Variants in ASAP1 observed in about 807,000 individuals in gnomAD.
ASAP1 encodes the protein ArfGAP with SH3 domain, ankyrin repeat and PH domain 1, also known as arf-GAP with SH3 domain, ANK repeat and PH domain-containing protein 1.
A neutral mutation model predicts 145.2 loss-of-function variants in ASAP1; 43 were observed. That is an observed-to-expected ratio of 0.30 (90% confidence interval 0.23 to 0.38). The LOEUF (loss-of-function observed/expected upper bound fraction) is 0.38. Ranked by LOEUF, ASAP1 falls within the 10% of genes least tolerant of loss-of-function variation. The pLI is 1.00. For synonymous variants in ASAP1, 546 were observed against 515.5 expected (o/e 1.06, Z -0.80); for missense variants, 1,018 against 1,355.3 (o/e 0.75, Z 3.91).
chr8:130,304,268 C>T (rs1232741620), intron 3 of ASAP1, among the ~76,000 whole-genome samples: 1 of 150,600 alleles, frequency 6.6e-6, no homozygotes, highest in Non-Finnish European at 1.5e-5. Flanking sequence ...TTTATACTGC[C>T]CGGAAAAGAA....
chr8:130,158,558 C>G (rs2097662581), intron 12 of ASAP1, among the ~76,000 whole-genome samples: 1 of 152,022 alleles, frequency 6.6e-6, no homozygotes, highest in South Asian at 2.1e-4. Flanking sequence ...AATGAAGATT[C>G]TACTTATGCA....
intron 3 of ASAP1, among the ~76,000 whole-genome samples, chr8:130,267,604 C>T (rs1305094165): frequency 6.6e-6 from 1 of 152,154 alleles, no homozygotes. Context: ...TCAGCAGAAC[C>T]CCTCTCCCTT....
intron 1 of ASAP1, among the ~76,000 whole-genome samples, chr8:130,421,044 T>C (rs72726214): frequency 0.12 from 18,452 of 152,192 alleles, 1,513 homozygotes; most frequent in African/African-American, 0.23. Flanking sequence ...CAGGCTCTGT[T>C]ACCAGCTTGT....
intron 5 of ASAP1, among the ~76,000 whole-genome samples, chr8:130,196,067 C>T (rs146221885): frequency 6.5e-4 from 99 of 152,332 alleles, no homozygotes; most frequent in African/African-American, 2.3e-3. Context: ...GTAGGTCGGG[C>T]ACAGTGGCTC....
chr8:130,146,455 C>T (rs114859794), intron 13 of ASAP1, among the ~76,000 whole-genome samples: 2,560 of 152,228 alleles, frequency 0.017, 35 homozygotes, highest in East Asian at 0.053. Context: ...AAAGTTCGCC[C>T]TCTTACAACT....
chr8:130,436,501 G>T (rs1268178522), intron 1 of ASAP1, among the ~76,000 whole-genome samples: 4 of 152,150 alleles, frequency 2.6e-5, no homozygotes, highest in Non-Finnish European at 5.9e-5. Flanking sequence ...GGAGAGGTGA[G>T]GTTTCACCAT....
At chr8:130,247,555 A>G (rs1818926201) in intron 3 of ASAP1, among the ~76,000 whole-genome samples, 1 of 152,138 alleles carries the variant, frequency 6.6e-6, no homozygotes, top group South Asian at 2.1e-4. Flanking sequence ...GGATTCAGTC[A>G]TCAGGCCACT....
intron 27 of ASAP1, among the ~76,000 whole-genome samples, chr8:130,075,747 C>T (rs1279711499): frequency 6.6e-6 from 1 of 152,204 alleles, no homozygotes; most frequent in Non-Finnish European, 1.5e-5. Flanking sequence ...TTAAAGAAGA[C>T]TCAGTCAAAG....
intron 24 of ASAP1, among the ~76,000 whole-genome samples, chr8:130,102,787 G>A (rs1330634855): frequency 2.6e-5 from 4 of 152,204 alleles, no homozygotes; most frequent in Non-Finnish European, 5.9e-5. Context: ...CTGGGCTCAA[G>A]TGATCATCTT....
intron 23 of ASAP1, 30 bp downstream of exon 23, chr8:130,115,598 T>G: frequency 1.8e-5 from 28 of 1,539,906 alleles, no homozygotes; most frequent in Non-Finnish European, 2.5e-5. Context: ...GGGTAGTTGT[T>G]GAGAATTCGA....
intron 1 of ASAP1, among the ~76,000 whole-genome samples, chr8:130,403,309 C>T (rs573626646): frequency 3.5e-5 from 5 of 143,014 alleles, no homozygotes; most frequent in Admixed American, 3.4e-4. Flanking sequence ...TTTAAAAAAC[C>T]CAGATCCAAA....
At chr8:130,079,329 G>A (rs1173387076) in intron 26 of ASAP1, among the ~76,000 whole-genome samples, 2 of 152,116 alleles carry the variant, frequency 1.3e-5, no homozygotes, top group African/African-American at 4.8e-5. Context: ...ACACTTTAGG[G>A]TAAGGCTGGA....
chr8:130,396,907 T>C (rs958537808), intron 2 of ASAP1, among the ~76,000 whole-genome samples: 3 of 152,170 alleles, frequency 2.0e-5, no homozygotes, highest in African/African-American at 7.2e-5. Context: ...TTTCTACATA[T>C]GGAGAAAAAC....
chr8:130,209,052 A>C (rs935229700), intron 5 of ASAP1, among the ~76,000 whole-genome samples: 1 of 152,210 alleles, frequency 6.6e-6, no homozygotes, highest in Non-Finnish European at 1.5e-5. Context: ...TGTTCTTTTT[A>C]TAATACAAAG....
At chr8:130,185,746 A>G (rs1391691122) in intron 7 of ASAP1, among the ~76,000 whole-genome samples, 3 of 150,114 alleles carry the variant, frequency 2.0e-5, no homozygotes, top group Non-Finnish European at 4.4e-5. Flanking sequence ...AAAAAAAAAA[A>G]AAGAAAAAGA....
chr8:130,203,454 G>A (rs999694427), intron 5 of ASAP1, among the ~76,000 whole-genome samples: 3 of 152,192 alleles, frequency 2.0e-5, no homozygotes, highest in African/African-American at 7.2e-5. Context: ...ACCAGGCTGG[G>A]CTGTAGGACC....
intron 2 of ASAP1, among the ~76,000 whole-genome samples, chr8:130,396,105 A>G (rs1224689134): frequency 1.3e-5 from 2 of 152,214 alleles, no homozygotes; most frequent in Admixed American, 6.5e-5. Flanking sequence ...GGCAGCTTGC[A>G]CAGACCCTGG....
At chr8:130,377,227 G>GGGTA (rs1827546013) in intron 2 of ASAP1, among the ~76,000 whole-genome samples, 2 of 152,102 alleles carry the variant, frequency 1.3e-5, no homozygotes, top group South Asian at 4.1e-4. Context: ...CAGGGGGAAA[G>GGGTA]GGTAGGAAGG....
At chr8:130,300,184 A>AAC (rs1822570687) in intron 3 of ASAP1, among the ~76,000 whole-genome samples, 1 of 140,288 alleles carries the variant, frequency 7.1e-6, no homozygotes, top group South Asian at 2.4e-4. Context: ...AGAGAGAGAG[A>AAC]GAGCGAGCGA....
Sources: allele counts gnomAD v4.1 joint callset (sites outside exome capture counted in the v4.1 genomes callset), GRCh38; gene constraint gnomAD v4.1.1; transcripts MANE v1.5; gene names NCBI Gene and HGNC (gene_info 2026-07-23, HGNC 2026-07-21).